GRID2: variants seen among roughly 807,000 people sequenced by gnomAD.
GRID2 encodes the protein glutamate ionotropic receptor delta type subunit 2.
In GRID2, 33 loss-of-function variants were observed where a neutral mutation model predicts 114.8. The ratio of observed to expected loss-of-function variants is 0.29; its 90% confidence interval spans 0.22 to 0.38. GRID2 has a LOEUF of 0.38. Ranked by LOEUF, GRID2 falls within the 10% of genes least tolerant of loss-of-function variation. The pLI, the probability that GRID2 is intolerant of heterozygous loss-of-function variation, is 1.00. For missense variants in GRID2, 1,184 were observed against 1,257.7 expected (o/e 0.94, Z 0.89); for synonymous variants, 505 against 449.9 (o/e 1.12, Z -1.55).
At chr4:92,338,251 G>A (rs1361226690) in intron 1 of GRID2, among the ~76,000 whole-genome samples, 1 of 152,120 alleles carries the variant, frequency 6.6e-6, no homozygotes, top group Non-Finnish European at 1.5e-5. Context: ...TGAGGTGTGA[G>A]TATTTGGAGA....
intron 2 of GRID2, among the ~76,000 whole-genome samples, chr4:92,628,663 G>C (rs1285921971): frequency 6.6e-6 from 1 of 151,942 alleles, no homozygotes; most frequent in Non-Finnish European, 1.5e-5. Context: ...AGGCCCCACT[G>C]TTCTGTTTAC....
intron 2 of GRID2, among the ~76,000 whole-genome samples, chr4:93,025,056 C>G (rs181315190): frequency 6.6e-6 from 1 of 150,450 alleles, no homozygotes; most frequent in Admixed American, 6.6e-5. Flanking sequence ...ACACAGTAAG[C>G]CTTCATTAAT....
chr4:93,330,627 A>G (rs1419363852), intron 8 of GRID2, among the ~76,000 whole-genome samples: 1 of 151,916 alleles, frequency 6.6e-6, no homozygotes, highest in African/African-American at 2.4e-5. Flanking sequence ...GTTCTACCCT[A>G]CTCTTCAACG....
At position 93,659,629 on chromosome 4, in the gene GRID2, T is replaced by C. The variant is rs186601002; in HGVS notation, c.2360+33194T>C. On this transcript the variant is annotated intron_variant, in intron 14 of 15. Transcript: ENST00000282020. ...TTTTGCATTCTGCCATAAATTTCCC[T>C]GCAGTGAATGATTGGCAGACTAGAA... 2.7e-3 allele frequency among the ~76,000 whole-genome samples: 411 copies of C among 152,318 alleles called. 3 individuals carry two copies. The highest frequency in any genetic ancestry group is 0.02 in the South Asian group (95 of 4,826).
intron 2 of GRID2, among the ~76,000 whole-genome samples, chr4:92,835,852 G>T (rs1289424615): frequency 6.6e-6 from 1 of 151,980 alleles, no homozygotes; most frequent in African/African-American, 2.4e-5. Context: ...CCATATAACA[G>T]GAATCCCAAT....
chr4:93,520,594 C>A (rs1317177898), intron 13 of GRID2, among the ~76,000 whole-genome samples: 1 of 151,932 alleles, frequency 6.6e-6, no homozygotes, highest in East Asian at 1.9e-4. Context: ...GCAGGTTGCA[C>A]AGAGAGGGGG....
At chr4:93,283,746 A>G (rs1394661924) in intron 8 of GRID2, among the ~76,000 whole-genome samples, 2 of 152,066 alleles carry the variant, frequency 1.3e-5, no homozygotes, top group African/African-American at 4.8e-5. Flanking sequence ...GTAAATCCCC[A>G]TAGGTGGCTA....
At chr4:93,270,215 T>TACACACACACAC (rs34945534) in intron 8 of GRID2, among the ~76,000 whole-genome samples, 16 of 137,176 alleles carry the variant, frequency 1.2e-4, no homozygotes, top group African/African-American at 3.8e-4. Context: ...CACACACACA[T>TACACACACACAC]ACACACACAC....
chr4:92,449,805 C>T (rs1476425169), intron 1 of GRID2, among the ~76,000 whole-genome samples: 1 of 149,796 alleles, frequency 6.7e-6, no homozygotes, highest in Non-Finnish European at 1.5e-5. Flanking sequence ...ATTTTTAAGT[C>T]ATGGCTTTAG....
chr4:93,004,829 CTTATA>C (rs1165519359), intron 2 of GRID2, among the ~76,000 whole-genome samples: 6 of 152,012 alleles, frequency 3.9e-5, no homozygotes, highest in Non-Finnish European at 5.9e-5. Flanking sequence ...GTTCTCTGTC[CTTATA>C]TTATATTAGA....
intron 6 of GRID2, among the ~76,000 whole-genome samples, chr4:93,224,410 AG>A (rs1271939531): frequency 6.6e-6 from 1 of 152,142 alleles, no homozygotes; most frequent in Non-Finnish European, 1.5e-5. Flanking sequence ...AAGCTGAAAA[AG>A]CAATTGAGGC....
intron 2 of GRID2, among the ~76,000 whole-genome samples, chr4:92,772,997 CCTA>C (rs377406398): frequency 7.9e-5 from 12 of 152,196 alleles, no homozygotes; most frequent in African/African-American, 2.7e-4. Flanking sequence ...AGAAAAATCA[CCTA>C]CTCATTAGTT....
At chr4:93,047,836 A>G (rs1292324418) in intron 2 of GRID2, among the ~76,000 whole-genome samples, 1 of 151,346 alleles carries the variant, frequency 6.6e-6, no homozygotes, top group East Asian at 2.0e-4. Context: ...GAATACTCTA[A>G]TTTCTCCCCT....
chr4:93,791,733 G>A (rs1734697727), intron 1 of GRID2, among the ~76,000 whole-genome samples: 1 of 152,064 alleles, frequency 6.6e-6, no homozygotes, highest in Admixed American at 6.5e-5. Context: ...AGAAAACACG[G>A]GCCTCCTCCT....
At chr4:93,264,039 T>A (rs982614938) in intron 8 of GRID2, among the ~76,000 whole-genome samples, 2 of 152,184 alleles carry the variant, frequency 1.3e-5, no homozygotes, top group Admixed American at 6.5e-5. Flanking sequence ...GCTGAACTTG[T>A]CTTTTGCAAT....
intron 1 of GRID2, among the ~76,000 whole-genome samples, chr4:93,790,469 G>A (rs1481681295): frequency 6.6e-6 from 1 of 151,606 alleles, no homozygotes; most frequent in East Asian, 1.9e-4. Flanking sequence ...AACACATAAT[G>A]CATTATTCCA....
chr4:93,380,797 A>G (rs1222014513), intron 8 of GRID2, among the ~76,000 whole-genome samples: 1 of 151,988 alleles, frequency 6.6e-6, no homozygotes, highest in Non-Finnish European at 1.5e-5. Flanking sequence ...AAATACTCTA[A>G]AGCATATTGT....
intron 1 of GRID2, among the ~76,000 whole-genome samples, chr4:92,415,077 TTAAG>T (rs891300322): frequency 2.6e-5 from 4 of 152,088 alleles, no homozygotes; most frequent in African/African-American, 7.2e-5. Context: ...ACCCATAACA[TTAAG>T]TATTTCATAA....
At chr4:93,059,507 A>C (rs1258063866) in intron 2 of GRID2, among the ~76,000 whole-genome samples, 1 of 152,110 alleles carries the variant, frequency 6.6e-6, no homozygotes, top group Non-Finnish European at 1.5e-5. Flanking sequence ...GATATTGTCA[A>C]GTGTCACCTG....
Sources: allele counts gnomAD v4.1 joint callset (sites outside exome capture counted in the v4.1 genomes callset), GRCh38; gene constraint gnomAD v4.1.1; transcripts MANE v1.5; gene names NCBI Gene and HGNC (gene_info 2026-07-23, HGNC 2026-07-21).